GALNT17: variants seen among roughly 807,000 people sequenced by gnomAD.
GALNT17 encodes polypeptide N-acetylgalactosaminyltransferase 17, also known as UDP-GalNAc:polypeptide N-acetylgalactosaminyltransferase-like 3.
Under a neutral mutation model 63.7 loss-of-function variants are expected in GALNT17, and 29 were observed. That is an observed-to-expected ratio of 0.46 (90% CI 0.34 to 0.62). The LOEUF is 0.62. Ranked by LOEUF, GALNT17 falls within the 20% of genes least tolerant of loss-of-function variation. The pLI is 0.01. For synonymous variants in GALNT17, 305 were observed against 318.3 expected, an observed-to-expected ratio of 0.96 and a Z score of 0.45; for missense variants, 603 against 799.6, an observed-to-expected ratio of 0.75 and a Z score of 2.97.
chr7:71,144,942 A>T (rs577598851), intron 1 of GALNT17, among the ~76,000 whole-genome samples: 1 of 152,018 alleles, frequency 6.6e-6, no homozygotes, highest in African/African-American at 2.4e-5. Context: ...GTTAGCCAGG[A>T]TGGTCTTGAT....
At chr7:71,482,212 C>G (rs1370584242) in intron 5 of GALNT17, among the ~76,000 whole-genome samples, 4 of 149,012 alleles carry the variant, frequency 2.7e-5, no homozygotes, top group Middle Eastern at 3.6e-3. Flanking sequence ...TGCAGTGGTG[C>G]GATCTCGGCT....
intron 1 of GALNT17, among the ~76,000 whole-genome samples, chr7:71,242,874 A>T (rs1406249279): frequency 6.6e-6 from 1 of 152,186 alleles, no homozygotes; most frequent in Non-Finnish European, 1.5e-5. Flanking sequence ...CCTACTATAG[A>T]AGACACTCAA....
intron 1 of GALNT17, among the ~76,000 whole-genome samples, chr7:71,167,269 G>C (rs1433526620): frequency 6.6e-6 from 1 of 152,006 alleles, no homozygotes; most frequent in Non-Finnish European, 1.5e-5. Flanking sequence ...CCGAATCCTT[G>C]TCTAGACTTT....
chr7:71,606,554 A>G (rs998757493), intron 6 of GALNT17, among the ~76,000 whole-genome samples: 6 of 152,076 alleles, frequency 3.9e-5, no homozygotes, highest in Non-Finnish European at 8.8e-5. Flanking sequence ...ACATATGTCA[A>G]GGTTCTTGCA....
chr7:71,219,418 C>T lies in GALNT17; in HGVS notation c.238+86378C>T, dbSNP rs553477178. Among the ~76,000 whole-genome samples, 5 of 131,958 alleles carry T rather than the reference C, an allele frequency of 3.8e-5. No homozygotes were observed. In the South Asian group the frequency reaches 1.2e-3, roughly 32 times the overall value. The allele number at this position is 131,958 out of a possible 152,430, so 86.6% of individuals were successfully genotyped here. ...ATTAAACCTTTGTTTCCTCTGCCAT[C>T]TCTGTTATCTCTTTCTGGAATGCTT... On this transcript the variant is annotated intron_variant, in intron 1 of 10. Coordinates refer to ENST00000333538, the MANE Select transcript of GALNT17 (RefSeq NM_022479.3).
intron 4 of GALNT17, among the ~76,000 whole-genome samples, chr7:71,418,517 T>G (rs905840663): frequency 3.3e-5 from 5 of 152,218 alleles, no homozygotes; most frequent in African/African-American, 9.6e-5. Context: ...GGAATCCTCC[T>G]GTCTAGGACA....
At chr7:71,193,984 G>A (rs1255147626) in intron 1 of GALNT17, among the ~76,000 whole-genome samples, 1 of 152,154 alleles carries the variant, frequency 6.6e-6, no homozygotes, top group East Asian at 1.9e-4. Flanking sequence ...TGTATTCACT[G>A]TCTTATCCAG....
chr7:71,463,960 A>C (rs1424015740), intron 5 of GALNT17, among the ~76,000 whole-genome samples: 2 of 152,018 alleles, frequency 1.3e-5, no homozygotes, highest in Non-Finnish European at 2.9e-5. Context: ...TCCTGTGACT[A>C]GGAGGCCTGA....
intron 6 of GALNT17, among the ~76,000 whole-genome samples, chr7:71,623,987 C>A (rs28379843): frequency 0.06 from 9,111 of 152,182 alleles, 422 homozygotes; most frequent in African/African-American, 0.13. Context: ...CTCAGAATAT[C>A]CCCCAGGAAG....
chr7:71,230,888 G>A (rs1041121713), intron 1 of GALNT17, among the ~76,000 whole-genome samples: 13 of 152,156 alleles, frequency 8.5e-5, no homozygotes, highest in Admixed American at 5.2e-4. Context: ...ACCTGGGAAT[G>A]TGTTAGAGTT....
chr7:71,329,971 G>A (rs369427310), intron 1 of GALNT17, among the ~76,000 whole-genome samples: 1,770 of 50,998 alleles, frequency 0.035, 46 homozygotes, highest in African/African-American at 0.11. Context: ...ATATATATAC[G>A]TATATGTGTG....
At chr7:71,445,369 T>G (rs1349154544) in intron 5 of GALNT17, among the ~76,000 whole-genome samples, 1 of 151,488 alleles carries the variant, frequency 6.6e-6, no homozygotes, top group Non-Finnish European at 1.5e-5. Flanking sequence ...GTTTGTTTTT[T>G]TTTTTTAAGT....
chr7:71,305,563 A>C (rs1368932153), intron 1 of GALNT17, among the ~76,000 whole-genome samples: 3 of 152,182 alleles, frequency 2.0e-5, no homozygotes, highest in Non-Finnish European at 4.4e-5. Flanking sequence ...TGTTGAAAGC[A>C]GGACCTCTGT....
At chr7:71,291,287 G>T (rs1043485795) in intron 1 of GALNT17, among the ~76,000 whole-genome samples, 2 of 152,074 alleles carry the variant, frequency 1.3e-5, no homozygotes, top group African/African-American at 4.8e-5. Flanking sequence ...TTGTTCTGTG[G>T]ATCTGTTTTT....
At chr7:71,672,334 A>G (rs567547027) in intron 8 of GALNT17, among the ~76,000 whole-genome samples, 2 of 152,178 alleles carry the variant, frequency 1.3e-5, no homozygotes, top group Non-Finnish European at 2.9e-5. Context: ...TAAAAGAACC[A>G]TGAGGAAATA....
chr7:71,358,404 A>G (rs1036863947), intron 2 of GALNT17, among the ~76,000 whole-genome samples: 4 of 152,208 alleles, frequency 2.6e-5, no homozygotes, highest in East Asian at 1.9e-4. Context: ...CAAAAAATAA[A>G]TAAATAAATA....
At chr7:71,342,563 C>T (rs924239941) in intron 2 of GALNT17, among the ~76,000 whole-genome samples, 7 of 152,106 alleles carry the variant, frequency 4.6e-5, no homozygotes, top group African/African-American at 1.7e-4. Flanking sequence ...CTCCAATAAA[C>T]AAACTATACT....
intron 6 of GALNT17, among the ~76,000 whole-genome samples, chr7:71,593,259 C>CTTTTTT (rs56193714): frequency 1.4e-5 from 1 of 70,992 alleles, no homozygotes; most frequent in Non-Finnish European, 2.5e-5. Flanking sequence ...ATTTTTCTTC[C>CTTTTTT]TTTTTTTTTT....
chr7:71,486,941 C>T (rs1472798586), intron 5 of GALNT17, among the ~76,000 whole-genome samples: 1 of 152,146 alleles, frequency 6.6e-6, no homozygotes, highest in Non-Finnish European at 1.5e-5. Context: ...AGCCAAGTTC[C>T]TCCCTAAGTA....
Sources: allele counts gnomAD v4.1 joint callset (sites outside exome capture counted in the v4.1 genomes callset), GRCh38; gene constraint gnomAD v4.1.1; transcripts MANE v1.5; gene names NCBI Gene and HGNC (gene_info 2026-07-23, HGNC 2026-07-21).